Variants in ANK3 observed in about 807,000 individuals in gnomAD.
ANK3 encodes ankyrin 3, also known as ankyrin-3.
ANK3 carries 57 observed loss-of-function variants against 370.9 expected under a neutral mutation model. That is an observed-to-expected ratio of 0.15 (90% CI 0.12 to 0.19). ANK3 has a LOEUF of 0.19. Ranked by LOEUF, ANK3 falls within the 10% of genes least tolerant of loss-of-function variation. ANK3 has a pLI of 1.00. For missense variants in ANK3, 4,439 were observed against 5,302.1 expected, an observed-to-expected ratio of 0.84 and a Z score of 5.06; for synonymous variants, 1,929 against 1,946.3, an observed-to-expected ratio of 0.99 and a Z score of 0.23.
At chr10:60,217,759 G>A (rs2096964427) in intron 8 of ANK3, among the ~76,000 whole-genome samples, 2 of 152,154 alleles carry the variant, frequency 1.3e-5, no homozygotes, top group Non-Finnish European at 2.9e-5. Context: ...TTCTGTAGAC[G>A]TCTACTAGGT....
At chr10:60,718,175 G>T (rs935764647) in intron 1 of ANK3, among the ~76,000 whole-genome samples, 6 of 152,164 alleles carry the variant, frequency 3.9e-5, no homozygotes, top group African/African-American at 1.4e-4. Context: ...TACTAAGTTA[G>T]GTTGCAGCTC....
chr10:60,598,894 G>A (rs1236830489), intron 2 of ANK3, among the ~76,000 whole-genome samples: 1 of 152,104 alleles, frequency 6.6e-6, no homozygotes, highest in African/African-American at 2.4e-5. Context: ...TAAAGACAAA[G>A]TTTTAACATT....
At chr10:60,329,086 C>T (rs2050594973) in intron 1 of ANK3, among the ~76,000 whole-genome samples, 1 of 152,140 alleles carries the variant, frequency 6.6e-6, no homozygotes, top group Admixed American at 6.5e-5. Context: ...TTCAACATCC[C>T]TTCATGCTAA....
At chr10:60,235,553 T>G (rs1157760082) in intron 7 of ANK3, among the ~76,000 whole-genome samples, 18 of 10,284 alleles carry the variant, frequency 1.8e-3, no homozygotes, top group Admixed American at 2.8e-3. Context: ...ATTTCTTGTT[T>G]TTTTTTTTTT....
At chr10:60,540,506 C>T (rs1448406642) in intron 2 of ANK3, among the ~76,000 whole-genome samples, 1 of 151,872 alleles carries the variant, frequency 6.6e-6, no homozygotes, top group Admixed American at 6.6e-5. Flanking sequence ...TTAAATTGCT[C>T]TCTGAGCTCC....
At chr10:60,724,209 C>CAAAAAAAAAAA (rs398013720) in intron 1 of ANK3, among the ~76,000 whole-genome samples, 1 of 54,620 alleles carries the variant, frequency 1.8e-5, no homozygotes. Context: ...GACTCCGTCT[C>CAAAAAAAAAAA]AAAAAAAAAA....
intron 4 of ANK3, among the ~76,000 whole-genome samples, chr10:60,276,120 C>T (rs2132693628): frequency 6.6e-6 from 1 of 152,122 alleles, no homozygotes; most frequent in South Asian, 2.1e-4. Flanking sequence ...TCTACAAATT[C>T]CTAGTTTATA....
chr10:60,127,432 G>A (rs534945775), intron 25 of ANK3, among the ~76,000 whole-genome samples: 8 of 152,246 alleles, frequency 5.3e-5, no homozygotes, highest in Non-Finnish European at 1.0e-4. Flanking sequence ...AAAACCAACC[G>A]ACATCGATAA....
At chr10:60,198,315 A>G in intron 14 of ANK3, 25 bp downstream of exon 14, 1 of 1,612,504 alleles carries the variant, frequency 6.2e-7, no homozygotes. Flanking sequence ...GGGACAGAGC[A>G]GGATTCTGAG....
At chr10:60,141,288 A>C (rs549745400) in intron 23 of ANK3, among the ~76,000 whole-genome samples, 1 of 152,212 alleles carries the variant, frequency 6.6e-6, no homozygotes, top group South Asian at 2.1e-4. Flanking sequence ...TCAACTATTT[A>C]ATATGGAGGG....
At chr10:60,183,798 C>T (rs988600155) in intron 17 of ANK3, among the ~76,000 whole-genome samples, 4 of 149,986 alleles carry the variant, frequency 2.7e-5, no homozygotes, top group African/African-American at 9.9e-5. Context: ...GCGGAGGTTG[C>T]AGTGAGCCAA....
At chr10:60,033,331 A>G (rs967969483) in intron 43 of ANK3, among the ~76,000 whole-genome samples, 1 of 152,000 alleles carries the variant, frequency 6.6e-6, no homozygotes, top group South Asian at 2.1e-4. Context: ...CCTGGACAAC[A>G]TGGTGAAACC....
At chr10:60,610,739 C>T (rs968121726) in intron 2 of ANK3, among the ~76,000 whole-genome samples, 5 of 152,140 alleles carry the variant, frequency 3.3e-5, no homozygotes, top group Admixed American at 2.6e-4. Flanking sequence ...GATGATTCTT[C>T]CACCTTCAGG....
chr10:60,620,824 C>A (rs1484388289), intron 1 of ANK3, among the ~76,000 whole-genome samples: 1 of 151,894 alleles, frequency 6.6e-6, no homozygotes, highest in Non-Finnish European at 1.5e-5. Context: ...AAATGGATAC[C>A]TTCTCTAATA....
At chr10:60,240,308 T>TATATATATA (rs1565920200) in intron 7 of ANK3, among the ~76,000 whole-genome samples, 1 of 79,196 alleles carries the variant, frequency 1.3e-5, no homozygotes, top group East Asian at 3.3e-4. Context: ...ATATATATAT[T>TATATATATA]TTTTTTTCTT....
chr10:60,181,965 T>A (rs868471877), intron 17 of ANK3, among the ~76,000 whole-genome samples: 8 of 152,178 alleles, frequency 5.3e-5, no homozygotes, highest in Non-Finnish European at 1.0e-4. Flanking sequence ...TTTTCCTATA[T>A]GTGTTTCACC....
intron 23 of ANK3, among the ~76,000 whole-genome samples, chr10:60,156,439 G>A (rs2095330021): frequency 6.6e-6 from 1 of 152,148 alleles, no homozygotes; most frequent in Non-Finnish European, 1.5e-5. Flanking sequence ...CGACAGCCAG[G>A]CAGTAGTGAC....
rs548400913 is a variant in ANK3, at chr10:60,042,183, T to C, written c.*19+489A>G. On this transcript the variant is annotated intron_variant, in intron 43 of 43. Transcript: ENST00000280772. ...ACCTCCTATTTTTTCCTTTTGTTTCTATAAAACACCAGATAGATATGTCAG... is the reference window on the plus strand; with the variant it reads ...ACCTCCTATTTTTTCCTTTTGTTTCCATAAAACACCAGATAGATATGTCAG... 6.6e-5 allele frequency among the ~76,000 whole-genome samples: 10 copies of C among 152,362 alleles called. 1 individual carries two copies. The South Asian group carries it at 1.2e-3, about 19-fold the overall frequency.
intron 2 of ANK3, among the ~76,000 whole-genome samples, chr10:60,537,079 T>C (rs1385266100): frequency 6.6e-6 from 1 of 151,930 alleles, no homozygotes; most frequent in Non-Finnish European, 1.5e-5. Context: ...GAAAAAAATG[T>C]CAAAAAATTC....
Sources: gnomAD v4.1 joint callset for allele counts (sites outside exome capture counted in the v4.1 genomes callset) on GRCh38, gnomAD v4.1.1 for gene constraint, MANE v1.5 for transcripts, NCBI Gene and HGNC (gene_info 2026-07-23, HGNC 2026-07-21) for gene names.